ADGRD1: variants seen among roughly 807,000 people sequenced by gnomAD.
The protein encoded by ADGRD1 is adhesion G protein-coupled receptor D1.
In ADGRD1, 77 loss-of-function variants were observed where a neutral mutation model predicts 113.4. That is an observed-to-expected ratio of 0.68 (90% confidence interval 0.57 to 0.82). ADGRD1 has a LOEUF of 0.82. Among genes scored for constraint, ADGRD1 ranks in the 40% least tolerant of loss-of-function variants. The probability of loss-of-function intolerance (pLI) is 0.00; values close to 1 mark genes in which losing one functional copy is unlikely to be tolerated. For missense variants in ADGRD1, 1,036 were observed against 1,139.1 expected (o/e 0.91, Z 1.30); for synonymous variants, 474 against 475.0 (o/e 1.00, Z 0.03).
intron 8 of ADGRD1, 98 bp from the exon 9 acceptor site, chr12:131,000,285 T>C (rs953815649): frequency 2.3e-6 from 2 of 876,160 alleles, no homozygotes; most frequent in African/African-American, 1.7e-5. Context: ...GAACTGGTGG[T>C]TGATAGAGAC....
intron 9 of ADGRD1, among the ~76,000 whole-genome samples, chr12:131,002,010 A>G (rs1304994702): frequency 6.6e-6 from 1 of 152,232 alleles, no homozygotes; most frequent in Non-Finnish European, 1.5e-5. Flanking sequence ...CAAAGGGAGA[A>G]AAAAAGGCTC....
intron 21 of ADGRD1, 138 bp from the exon 22 acceptor site, chr12:131,135,899 C>T: frequency 1.2e-6 from 1 of 814,980 alleles, no homozygotes; most frequent in Non-Finnish European, 2.0e-6. Context: ...CCAGGGCTAC[C>T]TGCAGGGAGG....
chr12:131,002,573 C>T (rs183741144), intron 9 of ADGRD1: 1 of 1,044,142 alleles, frequency 9.6e-7, no homozygotes, highest in Non-Finnish European at 1.2e-6. Context: ...AGGCCTCTCC[C>T]CTGGTGATGT....
At chr12:130,955,884 G>T (rs989611532) in intron 2 of ADGRD1, among the ~76,000 whole-genome samples, 60 of 152,200 alleles carry the variant, frequency 3.9e-4, no homozygotes, top group African/African-American at 1.4e-3. Flanking sequence ...TGCCTCCCGG[G>T]TTCAAGCGAT....
chr12:131,122,156 G>A (rs1024968980), intron 20 of ADGRD1, among the ~76,000 whole-genome samples: 1 of 152,114 alleles, frequency 6.6e-6, no homozygotes, highest in African/African-American at 2.4e-5. Flanking sequence ...GCCCCGCAGT[G>A]AACTGGAGCA....
chr12:130,963,237 G>T (rs911655392), intron 2 of ADGRD1, among the ~76,000 whole-genome samples: 1 of 150,548 alleles, frequency 6.6e-6, no homozygotes, highest in Non-Finnish European at 1.5e-5. Context: ...GGAGAATGGC[G>T]TGAACCCGGG....
intron 18 of ADGRD1, among the ~76,000 whole-genome samples, chr12:131,114,724 T>C (rs376073844): frequency 6.8e-6 from 1 of 147,930 alleles, no homozygotes; most frequent in African/African-American, 2.4e-5. Flanking sequence ...TTTTGGAAAC[T>C]GAGGTGGGGT....
At chr12:131,118,600 G>T (rs887139109) in intron 19 of ADGRD1, 149 bp downstream of exon 19, 2 of 576,974 alleles carry the variant, frequency 3.5e-6, no homozygotes, top group Non-Finnish European at 6.2e-6. Flanking sequence ...TGAGAAAGTC[G>T]TGGTCCAGGG....
chr12:131,064,397 C>T (rs1024407955), intron 13 of ADGRD1, among the ~76,000 whole-genome samples: 2 of 152,136 alleles, frequency 1.3e-5, no homozygotes, highest in South Asian at 2.1e-4. Context: ...TTTTCTGCCT[C>T]GATATGATCA....
At chr12:131,048,420 C>T (rs772417278) in intron 13 of ADGRD1, among the ~76,000 whole-genome samples, 2 of 152,202 alleles carry the variant, frequency 1.3e-5, no homozygotes, top group Non-Finnish European at 2.9e-5. Flanking sequence ...CCTGCACCCC[C>T]GCTGCTACAG....
intron 15 of ADGRD1, among the ~76,000 whole-genome samples, chr12:131,089,848 A>C (rs1333178716): frequency 6.6e-6 from 1 of 152,208 alleles, no homozygotes; most frequent in African/African-American, 2.4e-5. Context: ...CCAAATCCCG[A>C]ATGTTGGGGT....
intron 15 of ADGRD1, among the ~76,000 whole-genome samples, chr12:131,095,642 C>T (rs1048086266): frequency 3.3e-5 from 5 of 152,178 alleles, no homozygotes; most frequent in Admixed American, 2.6e-4. Flanking sequence ...ACGCATAGCC[C>T]GGCCGAGGGA....
intron 17 of ADGRD1, among the ~76,000 whole-genome samples, chr12:131,107,041 A>AG (rs1447800627): frequency 2.0e-5 from 3 of 152,210 alleles, no homozygotes; most frequent in Non-Finnish European, 4.4e-5. Context: ...TGGCAGCAGG[A>AG]GGGGAGGCAG....
At chr12:131,031,687 C>T (rs1880768914) in intron 13 of ADGRD1, among the ~76,000 whole-genome samples, 2 of 152,120 alleles carry the variant, frequency 1.3e-5, no homozygotes, top group Admixed American at 1.3e-4. Context: ...CCCCCAGGGC[C>T]ACCTCCATGG....
In ADGRD1 at chr12:131,000,406, G is replaced by C. The variant is rs773517963; in HGVS notation, c.990G>C (p.Glu330Asp). ...AGACCTTCTTAAAAGCCGTGGGAGA[G>C]ATCCTTCTACTGCCTGGTTGGATTG... ...LTKTFLKAVG[E>D]ILLLPGWIAL... Residue 330 changes from glutamate (E) to aspartate (D), a missense_variant, in exon 9 of 25, where the codon GAG becomes GAC. Coordinates refer to ENST00000261654, the MANE Select transcript of ADGRD1 (RefSeq NM_198827.5). 1 of 1,613,190 alleles carries C rather than the reference G, an allele frequency of 6.2e-7. No individual in the cohort carries two copies. Among genetic ancestry groups the C allele is most frequent in the Non-Finnish European group, 8.5e-7 (1 of 1,179,416 alleles).
At chr12:131,101,377 CTTTTTTTTTTTTTTTTT>C (rs71095334) in intron 15 of ADGRD1, among the ~76,000 whole-genome samples, 3 of 36,132 alleles carry the variant, frequency 8.3e-5, no homozygotes, top group African/African-American at 1.8e-4. Flanking sequence ...TTCTTTCTTT[CTTTTTTTTTTTTTTTTT>C]TTTTTTTTTT....
intron 13 of ADGRD1, among the ~76,000 whole-genome samples, chr12:131,040,841 C>T (rs1330029066): frequency 1.3e-5 from 2 of 152,242 alleles, no homozygotes; most frequent in Non-Finnish European, 2.9e-5. Context: ...ACCACTCAGC[C>T]TGCAGGTGAC....
chr12:131,019,388 G>A (rs1037463569), intron 13 of ADGRD1, among the ~76,000 whole-genome samples: 30 of 152,188 alleles, frequency 2.0e-4, no homozygotes, highest in African/African-American at 5.1e-4. Context: ...ACCCTGGGAC[G>A]CCAGGGGTTT....
chr12:131,111,129 A>G (rs1360093000), intron 18 of ADGRD1, among the ~76,000 whole-genome samples: 1 of 151,598 alleles, frequency 6.6e-6, no homozygotes, highest in African/African-American at 2.4e-5. Flanking sequence ...CAGGGTTTCA[A>G]TCACCCAGGC....
Sources: gnomAD v4.1 joint callset for allele counts (sites outside exome capture counted in the v4.1 genomes callset) on GRCh38, gnomAD v4.1.1 for gene constraint, MANE v1.5 for transcripts, NCBI Gene and HGNC (gene_info 2026-07-23, HGNC 2026-07-21) for gene names.